Variants in KCNK9 observed in about 807,000 individuals in gnomAD.
The protein encoded by KCNK9 is potassium channel subfamily K member 9.
In KCNK9, 1 loss-of-function variant was observed where a neutral mutation model predicts 10.8. That is an observed-to-expected ratio of 0.09 (90% confidence interval 0.03 to 0.44). KCNK9 has a LOEUF of 0.44. KCNK9 is among the 20% of genes least tolerant of loss of function. The pLI, the probability that KCNK9 is intolerant of heterozygous loss-of-function variation, is 0.97. For synonymous variants in KCNK9, 231 were observed against 222.7 expected (o/e 1.04, Z -0.33); for missense variants, 303 against 515.0 (o/e 0.59, Z 3.98).
At chr8:139,694,098 C>T (rs1044819292) in intron 1 of KCNK9, among the ~76,000 whole-genome samples, 7 of 152,080 alleles carry the variant, frequency 4.6e-5, no homozygotes, top group Admixed American at 1.3e-4. Context: ...TCAGTCAGGG[C>T]GGCCTCAGGT....
rs1816274925 is a variant in KCNK9 at position 139,665,488 on chromosome 8, C to T, written c.283+37222G>A. Among the ~76,000 whole-genome samples the T allele has an allele frequency of 2.6e-5, 4 of 152,232 alleles. 1 individual carries two copies. The South Asian group carries it at 8.3e-4, about 31-fold the overall frequency. Reference sequence around the variant, plus strand: ...TCAGCAATCTGAACTCCATCTGCAACCTTAATTCCCCCTTGCTATGGAAGG... The same window carrying T: ...TCAGCAATCTGAACTCCATCTGCAATCTTAATTCCCCCTTGCTATGGAAGG... On this transcript the variant is annotated intron_variant, in intron 1 of 1. Transcript: ENST00000520439.
Position 139,667,938 on chromosome 8 carries a change from T to C in KCNK9, c.283+34772A>G, listed in dbSNP as rs558743834. Among the ~76,000 whole-genome samples the C allele has an allele frequency of 7.2e-5, 11 of 151,872 alleles. No homozygotes were observed. In the East Asian group the frequency reaches 1.2e-3, roughly 16 times the overall value. On this transcript the variant is annotated intron_variant, in intron 1 of 1. Transcript: ENST00000520439. The stretch of plus-strand genomic sequence containing the variant: ...GTTGGGCCATGCACAGTGCTGCACA[T>C]CCGCATCACTCCAAAGCCACACCTC...
intron 1 of KCNK9, among the ~76,000 whole-genome samples, chr8:139,620,258 T>C (rs2542424): frequency 0.37 from 56,395 of 152,092 alleles, 11,018 homozygotes; most frequent in Admixed American, 0.44. Flanking sequence ...TTTTGAAGGA[T>C]GTACCTGGTC....
At position 139,617,248 on chromosome 8, in the gene KCNK9, C is replaced by G. The variant is rs1453046138; in HGVS notation, c.*1010G>C. Reference sequence around the variant, plus strand: ...TCCAACACTATAATTCTTATTTATGCAGGGTAGGTGCTGCACAAAATCATC... The same window carrying G: ...TCCAACACTATAATTCTTATTTATGGAGGGTAGGTGCTGCACAAAATCATC... On this transcript the variant is annotated 3_prime_UTR_variant, in exon 2 of 2. Transcript: ENST00000520439. Among the ~76,000 whole-genome samples, 1 of 152,160 alleles carries G rather than the reference C, an allele frequency of 6.6e-6. No homozygotes were observed. The highest frequency in any genetic ancestry group is 1.5e-5 in the Non-Finnish European group (1 of 68,034).
chr8:139,687,410 T>G lies in KCNK9; in HGVS notation c.283+15300A>C, dbSNP rs201420121. Among the ~76,000 whole-genome samples the G allele has an allele frequency of 6.5e-4, 57 of 87,948 alleles. 2 individuals are homozygous for G. Among genetic ancestry groups the G allele is most frequent in the East Asian group, 3.8e-3 (15 of 3,974 alleles). 57.7% of individuals were successfully genotyped at this position (87,948 alleles called of 152,430 possible). A position where few individuals can be genotyped will look rare whatever the true frequency, so the allele number is the denominator to read the frequency against. On this transcript the variant is annotated intron_variant, in intron 1 of 1. Coordinates refer to ENST00000520439, the MANE Select transcript of KCNK9 (RefSeq NM_001282534.2). ...AATATATATGTGTATACATATATAT[T>G]CATATATGTGTATACATATATATTC...
downstream of KCNK9, among the ~76,000 whole-genome samples, chr8:139,609,252 C>CG (rs1361627367): frequency 1.8e-5 from 2 of 113,006 alleles, no homozygotes; most frequent in Admixed American, 8.9e-5. Context: ...CCCCACCCCC[C>CG]CCCCACCTAC....
At chr8:139,676,563 G>C (rs1484363897) in intron 1 of KCNK9, among the ~76,000 whole-genome samples, 1 of 152,206 alleles carries the variant, frequency 6.6e-6, no homozygotes, top group Non-Finnish European at 1.5e-5. Flanking sequence ...TCTGAGAGGA[G>C]GCACTCCCTA....
downstream of KCNK9, chr8:139,612,295 G>A (rs1814451049): frequency 6.6e-6 from 1 of 152,242 alleles, no homozygotes; most frequent in South Asian, 2.1e-4. Flanking sequence ...TATAGAACTT[G>A]TCAGAGCAAA....
At position 139,636,426 on chromosome 8, in the gene KCNK9, G is replaced by C. The variant is rs542580865; in HGVS notation, c.284-17327C>G. 3.3e-5 allele frequency among the ~76,000 whole-genome samples: 5 copies of C among 152,334 alleles called. No individual in the cohort carries two copies. The Middle Eastern group carries it at 0.017, about 518-fold the overall frequency. On this transcript the variant is annotated intron_variant, in intron 1 of 1. Coordinates refer to ENST00000520439, the MANE Select transcript of KCNK9 (RefSeq NM_001282534.2). ...ATACCCCGGCCCCCTGCCAAGGATA[G>C]AGTCACTCCTTAAGCCATTTGCCTG...
At chr8:139,609,106 A>ACCCCGCCCCG (rs1554617339), downstream of KCNK9, among the ~76,000 whole-genome samples, 1 of 123,850 alleles carries the variant, frequency 8.1e-6, no homozygotes, top group Non-Finnish European at 1.7e-5. Context: ...GACCCATCCC[A>ACCCCGCCCCG]CCCCACCCCG....
chr8:139,601,140 G>A (rs1466108657), exon 3 of KCNK9: 2 of 152,228 alleles, frequency 1.3e-5, no homozygotes, highest in Non-Finnish European at 2.9e-5. Context: ...ACGGCACGCA[G>A]GCTCTGAGTC....
intron 1 of KCNK9, among the ~76,000 whole-genome samples, chr8:139,686,340 G>A (rs1184154687): frequency 1.3e-5 from 2 of 152,144 alleles, no homozygotes; most frequent in Non-Finnish European, 2.9e-5. Flanking sequence ...TACAGAATGG[G>A]AGAAAATTTT....
chr8:139,685,174 A>C (rs1378036771), intron 1 of KCNK9, among the ~76,000 whole-genome samples: 2 of 152,270 alleles, frequency 1.3e-5, no homozygotes, highest in Non-Finnish European at 2.9e-5. Flanking sequence ...TTGCACTACA[A>C]AGAAAAAGTC....
At chr8:139,667,758 C>T (rs1300935990) in intron 1 of KCNK9, among the ~76,000 whole-genome samples, 1 of 152,098 alleles carries the variant, frequency 6.6e-6, no homozygotes, top group Non-Finnish European at 1.5e-5. Context: ...ACCTACACCT[C>T]CAACATAGGA....
chr8:139,672,969 G>A (rs1437767291), intron 1 of KCNK9, among the ~76,000 whole-genome samples: 1 of 152,220 alleles, frequency 6.6e-6, no homozygotes, highest in Non-Finnish European at 1.5e-5. Flanking sequence ...CAGTGGTGGG[G>A]AAGGACAAGA....
intron 1 of KCNK9, among the ~76,000 whole-genome samples, chr8:139,695,639 C>T (rs918544895): frequency 6.6e-6 from 1 of 152,156 alleles, no homozygotes; most frequent in African/African-American, 2.4e-5. Flanking sequence ...TTCAGGCTGG[C>T]CATAGCAGGG....
In KCNK9 at chr8:139,618,125, G is replaced by T; in HGVS notation, c.*133C>A. On this transcript the variant is annotated 3_prime_UTR_variant, in exon 2 of 2. Coordinates refer to ENST00000520439, the MANE Select transcript of KCNK9 (RefSeq NM_001282534.2). This position sits in a 1 kb window ranked among gnomAD's most constrained non-coding sequence, Gnocchi z 7.9. ...GGGGAAAATGAGACCAAGAGACCAA[G>T]AAAGGAGGAAGGAGAGAAAGTAATA... 1 of 1,299,954 alleles carries T rather than the reference G, an allele frequency of 7.7e-7. No homozygotes were observed. Among genetic ancestry groups the T allele is most frequent in the Admixed American group, 2.0e-5 (1 of 50,952 alleles). The allele number at this position is 1,299,954 out of a possible 1,614,324, so 80.5% of individuals were successfully genotyped here. A position where few individuals can be genotyped will look rare whatever the true frequency, so the allele number is the denominator to read the frequency against.
chr8:139,695,340 C>T (rs1236893429), intron 1 of KCNK9, among the ~76,000 whole-genome samples: 2 of 152,182 alleles, frequency 1.3e-5, no homozygotes, highest in African/African-American at 4.8e-5. Flanking sequence ...TGGGAAAGCA[C>T]ATACAGGCTA....
chr8:139,692,637 C>G (rs183867433), intron 1 of KCNK9, among the ~76,000 whole-genome samples: 22 of 152,316 alleles, frequency 1.4e-4, no homozygotes, highest in Non-Finnish European at 3.1e-4. Flanking sequence ...GGAAACCGCA[C>G]AGGGAGAGCC....
Sources: allele counts gnomAD v4.1 joint callset (sites outside exome capture counted in the v4.1 genomes callset), GRCh38; gene constraint gnomAD v4.1.1; non-coding constraint Gnocchi (gnomAD v3.1); transcripts MANE v1.5; gene names NCBI Gene and HGNC (gene_info 2026-07-23, HGNC 2026-07-21).